Variants in SLC38A4 observed in about 807,000 individuals in gnomAD.
SLC38A4 encodes the protein sodium-coupled neutral amino acid transporter 4.
A neutral mutation model predicts 63.1 loss-of-function variants in SLC38A4; 20 were observed. That is an observed-to-expected ratio of 0.32 (90% CI 0.22 to 0.46). The LOEUF is 0.46. SLC38A4 is among the 20% of genes least tolerant of loss of function. SLC38A4 has a pLI of 1.00. For missense variants in SLC38A4, 526 were observed against 663.6 expected (o/e 0.79, Z 2.28); for synonymous variants, 230 against 225.5 (o/e 1.02, Z -0.18).
intron 1 of SLC38A4, among the ~76,000 whole-genome samples, chr12:46,810,946 TC>T (rs1285710205): frequency 6.6e-6 from 1 of 152,014 alleles, no homozygotes; most frequent in Non-Finnish European, 1.5e-5. Flanking sequence ...ATTATACATC[TC>T]CAGTTTGTTC....
chr12:46,822,183 T>C (rs1244117796), intron 1 of SLC38A4, among the ~76,000 whole-genome samples: 2 of 152,126 alleles, frequency 1.3e-5, no homozygotes, highest in African/African-American at 4.8e-5. Flanking sequence ...TGGGAGGGTG[T>C]TATTTTGACA....
At position 46,787,571 on chromosome 12, in the gene SLC38A4, G is replaced by A. The variant is rs117842981; in HGVS notation, c.326+345C>T. 6.5e-3 allele frequency among the ~76,000 whole-genome samples: 989 copies of A among 152,262 alleles called. 11 individuals are homozygous for A. Among genetic ancestry groups the A allele is most frequent in the South Asian group, 0.022 (105 of 4,824 alleles). ...AGGGGTACAGGGAATGGGACATAAGGTAGGCAAGGGCATGCAGGGCTCTTA... is the reference window on the plus strand; with the variant it reads ...AGGGGTACAGGGAATGGGACATAAGATAGGCAAGGGCATGCAGGGCTCTTA... On this transcript the variant is annotated intron_variant, in intron 5 of 16. Coordinates refer to ENST00000266579, the MANE Select transcript of SLC38A4 (RefSeq NM_018018.5).
chr12:46,830,298 T>TCACACACA (rs10597523), upstream of SLC38A4, among the ~76,000 whole-genome samples: 389 of 148,400 alleles, frequency 2.6e-3, 2 homozygotes, highest in South Asian at 0.014. Flanking sequence ...TCTCTCTCTC[T>TCACACACA]CACACACACA....
intron 1 of SLC38A4, among the ~76,000 whole-genome samples, chr12:46,813,615 T>C (rs1939381661): frequency 6.6e-6 from 1 of 152,038 alleles, no homozygotes; most frequent in African/African-American, 2.4e-5. Flanking sequence ...TTTACATGCC[T>C]GCCCTTCTAG....
intron 1 of SLC38A4, among the ~76,000 whole-genome samples, chr12:46,811,624 T>C (rs773735561): frequency 6.6e-6 from 1 of 152,022 alleles, no homozygotes; most frequent in African/African-American, 2.4e-5. Flanking sequence ...CAGTTCCACA[T>C]AGAGCTTGAG....
chr12:46,803,519 T>A (rs929766752), intron 2 of SLC38A4, 84 bp downstream of exon 2: 1 of 152,000 alleles, frequency 6.6e-6, no homozygotes, highest in Non-Finnish European at 1.5e-5. Flanking sequence ...TTTTAATTTT[T>A]AATTAATAAA....
intron 12 of SLC38A4, 132 bp from the exon 13 acceptor site, chr12:46,777,136 T>C: frequency 1.4e-6 from 1 of 707,998 alleles, no homozygotes; most frequent in South Asian, 2.0e-5. Context: ...CATAAACTTA[T>C]AGCTGATTTA....
intron 1 of SLC38A4, among the ~76,000 whole-genome samples, chr12:46,811,113 T>C (rs576374184): frequency 2.0e-5 from 3 of 152,022 alleles, no homozygotes; most frequent in Non-Finnish European, 4.4e-5. Context: ...AATCATCTCA[T>C]TCATTCAACA....
Position 46,807,486 on chromosome 12 carries a change from T to C in SLC38A4, c.-304-3692A>G, listed in dbSNP as rs147425468. 7.0e-3 allele frequency among the ~76,000 whole-genome samples: 1,072 copies of C among 152,090 alleles called. 11 individuals are homozygous for C. The highest frequency in any genetic ancestry group is 0.026 in the South Asian group (126 of 4,822). On this transcript the variant is annotated intron_variant, in intron 1 of 16. Transcript: ENST00000266579. ...AGCAGGACTGCAGAAAGAAACAATA[T>C]TTTGATTACTTCTCTTTAATATGGA... is the stretch of plus-strand genomic sequence containing the variant.
upstream of SLC38A4, among the ~76,000 whole-genome samples, chr12:46,828,271 G>A (rs540038070): frequency 2.6e-5 from 4 of 152,174 alleles, no homozygotes; most frequent in South Asian, 6.2e-4. Context: ...CTCTGGTAGA[G>A]TATTCAAATC....
chr12:46,800,619 T>G (rs1052353017), intron 2 of SLC38A4, among the ~76,000 whole-genome samples: 1 of 152,070 alleles, frequency 6.6e-6, no homozygotes, highest in African/African-American at 2.4e-5. Flanking sequence ...ACACTAGATC[T>G]GCCACTATAT....
intron 2 of SLC38A4, among the ~76,000 whole-genome samples, chr12:46,799,500 AG>A (rs1365175435): frequency 6.6e-6 from 1 of 151,932 alleles, no homozygotes; most frequent in Non-Finnish European, 1.5e-5. Context: ...TAATCTCCTG[AG>A]GCAGGAGAAT....
rs1555170934 is a variant in SLC38A4 at position 46,783,050 on chromosome 12, G to GTGTGTGTA, written c.493+1491_493+1492insTACACACA. ...TGTGTGTGTGTGTGTGTGTGTGTGTGTGTGTGTGTTAGGGTTGGAGGACTT... is the reference window on the plus strand; with the variant it reads ...TGTGTGTGTGTGTGTGTGTGTGTGTGTGTGTGTATGTGTGTGTTAGGGTTGGAGGACTT... On this transcript the variant is annotated intron_variant, in intron 7 of 16. Coordinates refer to ENST00000266579, the MANE Select transcript of SLC38A4 (RefSeq NM_018018.5). Among the ~76,000 whole-genome samples, 592 of 135,746 alleles carry GTGTGTGTA rather than the reference G, an allele frequency of 4.4e-3. 9 individuals are homozygous for GTGTGTGTA. Among genetic ancestry groups the GTGTGTGTA allele is most frequent in the African/African-American group, 0.015 (563 of 38,140 alleles). The allele number at this position is 135,746 out of a possible 152,430, so 89.1% of individuals were successfully genotyped here. A position where few individuals can be genotyped will look rare whatever the true frequency, so the allele number is the denominator to read the frequency against.
intron 3 of SLC38A4, among the ~76,000 whole-genome samples, chr12:46,790,663 A>G (rs185330918): frequency 6.6e-6 from 1 of 152,268 alleles, no homozygotes; most frequent in East Asian, 1.9e-4. Flanking sequence ...TTGAAAGTAA[A>G]CAGATTTTCT....
intron 1 of SLC38A4, among the ~76,000 whole-genome samples, chr12:46,825,051 G>C (rs909880941): frequency 6.6e-6 from 1 of 150,872 alleles, no homozygotes; most frequent in African/African-American, 2.4e-5. Context: ...TTAAATGTCA[G>C]CTTCCTGGGT....
At chr12:46,785,666 A>G (rs1938743336) in intron 5 of SLC38A4, among the ~76,000 whole-genome samples, 1 of 151,424 alleles carries the variant, frequency 6.6e-6, no homozygotes, top group Non-Finnish European at 1.5e-5. Flanking sequence ...AGTACTTTGT[A>G]AGATAGAGGG....
At chr12:46,769,573 T>A in intron 14 of SLC38A4, 145 bp from the exon 15 acceptor site, 1 of 877,168 alleles carries the variant, frequency 1.1e-6, no homozygotes, top group Non-Finnish European at 1.7e-6. Flanking sequence ...ATTTTTTTAT[T>A]ATTATAAAAC....
chr12:46,772,582 G>A lies in SLC38A4; in HGVS notation c.1299+2467C>T, dbSNP rs887983054. On this transcript the variant is annotated intron_variant, in intron 14 of 16. Coordinates refer to ENST00000266579, the MANE Select transcript of SLC38A4 (RefSeq NM_018018.5). ...CTACTAAGAGAGAAAGAAATGTTGG[G>A]CTGCTAGTGAAAACACTACCTTAAT... is the stretch of plus-strand genomic sequence containing the variant. 2.6e-5 allele frequency among the ~76,000 whole-genome samples: 4 copies of A among 152,142 alleles called. No individual in the cohort carries two copies. In the East Asian group the frequency reaches 7.8e-4, roughly 30 times the overall value.
At chr12:46,815,740 T>C (rs1213215982) in intron 1 of SLC38A4, among the ~76,000 whole-genome samples, 1 of 151,920 alleles carries the variant, frequency 6.6e-6, no homozygotes, top group Admixed American at 6.6e-5. Flanking sequence ...CTGTATTTCT[T>C]GGCTAAAAAT....
Sources: allele counts gnomAD v4.1 joint callset (sites outside exome capture counted in the v4.1 genomes callset), GRCh38; gene constraint gnomAD v4.1.1; transcripts MANE v1.5; gene names NCBI Gene and HGNC (gene_info 2026-07-23, HGNC 2026-07-21).